CLMN: variants seen among roughly 807,000 people sequenced by gnomAD.
CLMN encodes the protein calmin (calponin-like, transmembrane).
A neutral mutation model predicts 92.7 loss-of-function variants in CLMN; 57 were observed. That is an observed-to-expected ratio of 0.61 (90% confidence interval 0.50 to 0.77). The LOEUF is 0.77. Ranked by LOEUF, CLMN falls within the 30% of genes least tolerant of loss-of-function variation. The probability of loss-of-function intolerance (pLI) is 0.00; values close to 1 mark genes in which losing one functional copy is unlikely to be tolerated. For synonymous variants in CLMN, 466 were observed against 470.6 expected, an observed-to-expected ratio of 0.99 and a Z score of 0.13; for missense variants, 1,158 against 1,237.5, an observed-to-expected ratio of 0.94 and a Z score of 0.96.
At chr14:95,305,276 G>A (rs1355557423) in intron 1 of CLMN, among the ~76,000 whole-genome samples, 1 of 152,188 alleles carries the variant, frequency 6.6e-6, no homozygotes, top group Non-Finnish European at 1.5e-5. Flanking sequence ...AAGCTAGTAA[G>A]CGGCAGAGCC....
chr14:95,295,327 T>C (rs1461333319), intron 1 of CLMN, among the ~76,000 whole-genome samples: 3 of 152,222 alleles, frequency 2.0e-5, no homozygotes, highest in Non-Finnish European at 2.9e-5. Flanking sequence ...AAGGCAGAGC[T>C]ATCCTTCACT....
At chr14:95,257,580 A>C (rs1259550850) in intron 1 of CLMN, among the ~76,000 whole-genome samples, 1 of 152,260 alleles carries the variant, frequency 6.6e-6, no homozygotes, top group Non-Finnish European at 1.5e-5. Context: ...AGTGGGCTAA[A>C]GGTGCTCAGG....
chr14:95,195,415 C>G (rs1468853471), intron 10 of CLMN, among the ~76,000 whole-genome samples: 2 of 152,220 alleles, frequency 1.3e-5, no homozygotes, highest in Admixed American at 6.5e-5. Flanking sequence ...CCTCCTCCCC[C>G]TGCCTCTGTT....
intron 1 of CLMN, among the ~76,000 whole-genome samples, chr14:95,273,784 T>C (rs768410926): frequency 1.3e-4 from 20 of 152,178 alleles, no homozygotes; most frequent in South Asian, 4.1e-4. Flanking sequence ...GTGTCTCCAC[T>C]TTGTTGACAC....
intron 1 of CLMN, among the ~76,000 whole-genome samples, chr14:95,255,316 C>A (rs1898953814): frequency 6.6e-6 from 1 of 152,186 alleles, no homozygotes; most frequent in South Asian, 2.1e-4. Flanking sequence ...CAGTTGCTAG[C>A]AGTCATCTGG....
intron 2 of CLMN, among the ~76,000 whole-genome samples, chr14:95,224,535 G>A (rs1897651712): frequency 6.6e-6 from 1 of 152,056 alleles, no homozygotes; most frequent in Admixed American, 6.6e-5. Flanking sequence ...CGCCCGCCTC[G>A]GCCTCCCAAA....
In CLMN at chr14:95,286,853, T is replaced by C. The variant is rs1900363543; in HGVS notation, c.82+32858A>G. On this transcript the variant is annotated intron_variant, in intron 1 of 12. Transcript: ENST00000298912. The stretch of plus-strand genomic sequence containing the variant: ...GATCATCAGGGTCTCACTCAACACC[T>C]GTGTGTGCCAGCCTCTGCTCACCAC... Among the ~76,000 whole-genome samples the C allele has an allele frequency of 2.6e-5, 4 of 152,200 alleles. 1 individual carries two copies. Among genetic ancestry groups the C allele is most frequent in the African/African-American group, 9.7e-5 (4 of 41,442 alleles).
At chr14:95,289,131 C>A (rs1900454288) in intron 1 of CLMN, among the ~76,000 whole-genome samples, 1 of 152,164 alleles carries the variant, frequency 6.6e-6, no homozygotes, top group African/African-American at 2.4e-5. Context: ...GGTGTGTGCA[C>A]ACATCACATA....
At position 95,222,388 on chromosome 14, in the gene CLMN, T is replaced by C. The variant is rs142833159; in HGVS notation, c.241-614A>G. On this transcript the variant is annotated intron_variant, in intron 3 of 12. Transcript: ENST00000298912. The stretch of plus-strand genomic sequence containing the variant: ...TTAGCTCTACATACCAGGAATACCA[T>C]CACAGCCAACTCACCCTGAACTGAA... The C allele has an allele frequency of 1.1e-4, 35 of 330,934 alleles. No homozygotes were observed. In the East Asian group the frequency reaches 2.8e-3, roughly 27 times the overall value. The allele number at this position is 330,934 out of a possible 1,614,324, so 20.5% of individuals were successfully genotyped here. A position where few individuals can be genotyped will look rare whatever the true frequency, so the allele number is the denominator to read the frequency against.
chr14:95,208,213 A>G (rs1897098875), intron 8 of CLMN, among the ~76,000 whole-genome samples: 1 of 152,176 alleles, frequency 6.6e-6, no homozygotes, highest in Non-Finnish European at 1.5e-5. Flanking sequence ...CCGTTACTAG[A>G]ACAACGCTCC....
At chr14:95,217,124 G>A (rs1897375504) in intron 4 of CLMN, among the ~76,000 whole-genome samples, 1 of 152,120 alleles carries the variant, frequency 6.6e-6, no homozygotes, top group South Asian at 2.1e-4. Flanking sequence ...TCTTAACAAC[G>A]CTTAATAAAG....
rs911385130 is a variant in CLMN, at chr14:95,259,683, C to G, written c.83-29550G>C. Among the ~76,000 whole-genome samples, 2 of 152,164 alleles carry G rather than the reference C, an allele frequency of 1.3e-5. No homozygotes were observed. Among genetic ancestry groups the G allele is most frequent in the African/African-American group, 4.8e-5 (2 of 41,418 alleles). ...GGTGGGACCAGCACAGGGCAGATAC[C>G]TGTTCTGAACTATGGGCATCTGCTG... On this transcript the variant is annotated intron_variant, in intron 1 of 12. Coordinates refer to ENST00000298912, the MANE Select transcript of CLMN (RefSeq NM_024734.4). This position sits in a 1 kb window ranked among gnomAD's most constrained non-coding sequence, Gnocchi z 4.3.
At chr14:95,272,410 C>T (rs1899747323) in intron 1 of CLMN, among the ~76,000 whole-genome samples, 1 of 152,156 alleles carries the variant, frequency 6.6e-6, no homozygotes, top group Non-Finnish European at 1.5e-5. Context: ...AGAGAAGTTC[C>T]AGAACACCCA....
chr14:95,214,368 G>A (rs1456705291), intron 5 of CLMN, among the ~76,000 whole-genome samples: 1 of 35,370 alleles, frequency 2.8e-5, no homozygotes, highest in Non-Finnish European at 5.5e-5. Context: ...TTTTTTTTTT[G>A]AGACAGGATC....
chr14:95,201,578 T>C (rs986370515), intron 9 of CLMN, among the ~76,000 whole-genome samples: 1 of 151,730 alleles, frequency 6.6e-6, no homozygotes, highest in African/African-American at 2.4e-5. Context: ...TTTTTTTTTT[T>C]TTTATTTTAC....
At position 95,280,454 on chromosome 14, in the gene CLMN, G is replaced by A. The variant is rs965104043; in HGVS notation, c.82+39257C>T. Among the ~76,000 whole-genome samples the A allele has an allele frequency of 4.6e-5, 7 of 152,174 alleles. No individual in the cohort carries two copies. In the South Asian group the frequency reaches 6.2e-4, roughly 13 times the overall value. ...GAAGGGAAATAAAAGAGACTGTTTAGAAAGCTAAGTCTTCCCTCTGCTAAT... is the reference window on the plus strand; with the variant it reads ...GAAGGGAAATAAAAGAGACTGTTTAAAAAGCTAAGTCTTCCCTCTGCTAAT... On this transcript the variant is annotated intron_variant, in intron 1 of 12. Transcript: ENST00000298912.
Position 95,287,133 on chromosome 14 carries a change from AGAG to A in CLMN, c.82+32575_82+32577del, listed in dbSNP as rs1327079963. 3.3e-5 allele frequency among the ~76,000 whole-genome samples: 5 copies of A among 152,336 alleles called. No individual in the cohort carries two copies. In the East Asian group the frequency reaches 9.6e-4, roughly 29 times the overall value. On this transcript the variant is annotated intron_variant, in intron 1 of 12. Coordinates refer to ENST00000298912, the MANE Select transcript of CLMN (RefSeq NM_024734.4). ...TATCTTCCCTCCTGTGAATTTGCAC[AGAG>A]GAGGGGCAATTCTAATGGTCTGACT...
At chr14:95,307,773 A>G (rs1036373335) in intron 1 of CLMN, 3 of 152,170 alleles carry the variant, frequency 2.0e-5, no homozygotes, top group African/African-American at 7.2e-5. Flanking sequence ...GCTTGTGTAC[A>G]TGAAAGAAGA....
intron 8 of CLMN, among the ~76,000 whole-genome samples, chr14:95,206,270 A>G (rs1897044892): frequency 1.3e-5 from 2 of 152,218 alleles, no homozygotes; most frequent in South Asian, 4.1e-4. Flanking sequence ...ATATTAAACA[A>G]AAACTGGCAG....
Sources: gnomAD v4.1 joint callset for allele counts (sites outside exome capture counted in the v4.1 genomes callset) on GRCh38, gnomAD v4.1.1 for gene constraint, Gnocchi (gnomAD v3.1) non-coding constraint, MANE v1.5 for transcripts, NCBI Gene and HGNC (gene_info 2026-07-23, HGNC 2026-07-21) for gene names.